The following AP5M1 variants were observed in gnomAD, a reference collection of about 807,000 sequenced individuals.
AP5M1 encodes adaptor related protein complex 5 subunit mu 1.
Under a neutral mutation model 52.3 loss-of-function variants are expected in AP5M1, and 44 were observed. The observed-to-expected ratio is 0.84, with a 90% confidence interval of 0.66 to 1.08. AP5M1 has a LOEUF of 1.08. AP5M1 is among the 50% of genes least tolerant of loss of function. AP5M1 has a pLI of 0.00. For synonymous variants in AP5M1, 213 were observed against 199.0 expected, an observed-to-expected ratio of 1.07 and a Z score of -0.59; for missense variants, 526 against 568.4, an observed-to-expected ratio of 0.93 and a Z score of 0.76.
At chr14:57,280,160 A>C in intron 2 of AP5M1, 35 bp from the exon 3 acceptor site, 1 of 1,505,704 alleles carries the variant, frequency 6.6e-7, no homozygotes, top group South Asian at 1.1e-5. Flanking sequence ...TTTGCTTCTG[A>C]GATTTTGGTG....
chr14:57,281,888 C>G (rs1241595255), intron 3 of AP5M1, among the ~76,000 whole-genome samples: 1 of 152,168 alleles, frequency 6.6e-6, no homozygotes, highest in Non-Finnish European at 1.5e-5. Flanking sequence ...CATTGTACAC[C>G]TTTGTAAAGC....
In AP5M1 at chr14:57,292,504, A is replaced by G. The variant is rs1363508444; in HGVS notation, c.*3620A>G. On this transcript the variant is annotated 3_prime_UTR_variant, in exon 8 of 8. Coordinates refer to ENST00000261558, the MANE Select transcript of AP5M1 (RefSeq NM_018229.4). ...TCCTGTCTGCTAAGTTAGAAAGTCAATTGAATACCAAATGAAGTTTATTTC... is the reference window on the plus strand; with the variant it reads ...TCCTGTCTGCTAAGTTAGAAAGTCAGTTGAATACCAAATGAAGTTTATTTC... 1.3e-5 allele frequency: 2 copies of G among 151,874 alleles called. No homozygotes were observed. The allele number at this position is 151,874 out of a possible 1,614,324, so 9.4% of individuals were successfully genotyped here.
rs1884966454 is a variant in AP5M1 at position 57,274,355 on chromosome 14, GGAT to G, written c.193_195del (p.Asp65del). ...CACTGCTCTTTGAACTTAGATTATT[GGAT>G]GATGATAAAGACTTCGTTGAGAGTC... On this transcript the variant is annotated inframe_deletion, in exon 2 of 8. Transcript: ENST00000261558. 3.1e-6 allele frequency: 5 copies of G among 1,614,070 alleles called. No individual in the cohort carries two copies. The highest frequency in any genetic ancestry group is 3.4e-6 in the Non-Finnish European group (4 of 1,180,006).
chr14:57,280,437 ATAGTT>A lies in AP5M1; in HGVS notation c.948+16_948+20del, dbSNP rs1351753402. 4 of 1,526,184 alleles carry A rather than the reference ATAGTT, an allele frequency of 2.6e-6. No homozygotes were observed. Among genetic ancestry groups the A allele is most frequent in the Admixed American group, 3.3e-5 (2 of 59,738 alleles). 94.5% of individuals were successfully genotyped at this position (1,526,184 alleles called of 1,614,324 possible). On this transcript the variant is annotated intron_variant, in intron 3 of 7. Coordinates refer to ENST00000261558, the MANE Select transcript of AP5M1 (RefSeq NM_018229.4). The stretch of plus-strand genomic sequence containing the variant: ...ACACTTCCCAGGTAACAACCCTAGA[ATAGTT>A]GAGAGTTTGCTGATCTTTATATTCA...
chr14:57,272,996 G>A (rs1385203814), intron 1 of AP5M1, among the ~76,000 whole-genome samples: 12 of 151,648 alleles, frequency 7.9e-5, no homozygotes, highest in Non-Finnish European at 7.4e-5. Context: ...TCACAATCTC[G>A]GCTCGGCTCG....
At position 57,274,235 on chromosome 14, in the gene AP5M1, G is replaced by A. The variant is rs10134418; in HGVS notation, c.75-9G>A. Reference sequence around the variant, plus strand: ...AATCATTTATAATGTTTCTGTTTCCGTAATGCAGACGGTATCCAACTGTTG... The same window carrying A: ...AATCATTTATAATGTTTCTGTTTCCATAATGCAGACGGTATCCAACTGTTG... On this transcript the variant is annotated splice_polypyrimidine_tract_variant and intron_variant, in intron 1 of 7. Transcript: ENST00000261558. 8.6e-4 allele frequency: 1,355 copies of A among 1,567,936 alleles called. 8 individuals carry two copies. The African/African-American group carries it at 0.014, about 16-fold the overall frequency.
chr14:57,270,914 A>T (rs1884881816), intron 1 of AP5M1, among the ~76,000 whole-genome samples: 2 of 152,218 alleles, frequency 1.3e-5, no homozygotes. Context: ...CTAAGGCAGC[A>T]TGTCCAATAG....
Position 57,274,888 on chromosome 14 carries a change from A to C in AP5M1, c.719A>C (p.Lys240Thr). ...CAAGTTGTTGGAACAGTGACTTGCA[A>C]GGTGAGATTTTTCTCTGGTACTTGC... ...TWQVVGTVTC[K>T]CDLEGIMPNV... Residue 240 changes from lysine (K) to threonine (T), a missense_variant and splice_region_variant, in exon 2 of 8, where the codon AAG (lysine) becomes ACG (threonine). This residue lies in a region of AP5M1 where 425 missense variants were observed against 430.6 expected (regional missense o/e 0.99). Coordinates refer to ENST00000261558, the MANE Select transcript of AP5M1 (RefSeq NM_018229.4). The C allele has an allele frequency of 6.2e-7, 1 of 1,614,146 alleles. No individual in the cohort carries two copies.
chr14:57,288,127 G>A (rs952436504), intron 7 of AP5M1, among the ~76,000 whole-genome samples: 1 of 151,848 alleles, frequency 6.6e-6, no homozygotes, highest in Non-Finnish European at 1.5e-5. Context: ...ATGAAGAAGG[G>A]CATGAAGAAG....
At chr14:57,282,737 A>G (rs1322003353) in intron 4 of AP5M1, among the ~76,000 whole-genome samples, 197 bp from the exon 5 acceptor site, 1 of 152,216 alleles carries the variant, frequency 6.6e-6, no homozygotes, top group African/African-American at 2.4e-5. Flanking sequence ...TGAAATACAC[A>G]TCATCACCAA....
At chr14:57,272,600 T>C (rs1884921204) in intron 1 of AP5M1, among the ~76,000 whole-genome samples, 1 of 152,200 alleles carries the variant, frequency 6.6e-6, no homozygotes, top group Non-Finnish European at 1.5e-5. Context: ...TATTGGGGTG[T>C]TGTGTAAGTT....
rs1180329614 is a variant in AP5M1, at chr14:57,295,858, A to G, written c.*6974A>G. 6.6e-6 allele frequency: 1 copy of G among 151,992 alleles called. No individual in the cohort carries two copies. Among genetic ancestry groups the G allele is most frequent in the Non-Finnish European group, 1.5e-5 (1 of 67,946 alleles). 9.4% of individuals were successfully genotyped at this position (151,992 alleles called of 1,614,324 possible). ...TGAAAATAATCAAAAAATGAAAACAATTGTGAAATTACTGAAATGAGTATG... is the reference window on the plus strand; with the variant it reads ...TGAAAATAATCAAAAAATGAAAACAGTTGTGAAATTACTGAAATGAGTATG... On this transcript the variant is annotated 3_prime_UTR_variant, in exon 8 of 8. Coordinates refer to ENST00000261558, the MANE Select transcript of AP5M1 (RefSeq NM_018229.4).
intron 2 of AP5M1, among the ~76,000 whole-genome samples, chr14:57,279,129 CAA>C (rs1885111657): frequency 6.6e-6 from 1 of 152,162 alleles, no homozygotes; most frequent in Admixed American, 6.5e-5. Context: ...GGCGATTCCT[CAA>C]AGACATTGAG....
At chr14:57,278,901 A>G (rs1385613788) in intron 2 of AP5M1, among the ~76,000 whole-genome samples, 1 of 152,224 alleles carries the variant, frequency 6.6e-6, no homozygotes, top group African/African-American at 2.4e-5. Context: ...CCAGAAGAAG[A>G]CATACATGCA....
At chr14:57,273,138 C>T (rs1594697336) in intron 1 of AP5M1, among the ~76,000 whole-genome samples, 2 of 152,222 alleles carry the variant, frequency 1.3e-5, no homozygotes, top group South Asian at 2.1e-4. Context: ...CAGGGTTTCA[C>T]CGTGTTGGCC....
chr14:57,286,065 A>T (rs1442231193), intron 6 of AP5M1, among the ~76,000 whole-genome samples, 158 bp from the exon 7 acceptor site: 1 of 152,152 alleles, frequency 6.6e-6, no homozygotes, highest in East Asian at 1.9e-4. Context: ...TTGTATATAT[A>T]TGTGTGCGCA....
chr14:57,279,714 T>C (rs77314660), intron 2 of AP5M1, among the ~76,000 whole-genome samples: 2,872 of 152,260 alleles, frequency 0.019, 30 homozygotes, highest in Non-Finnish European at 0.031. Context: ...AGGAGGTAGA[T>C]GACAGTCAAA....
chr14:57,273,698 T>A, intron 1 of AP5M1: 1 of 702,104 alleles, frequency 1.4e-6, no homozygotes, highest in Non-Finnish European at 2.6e-6. Flanking sequence ...TGATCTTCCA[T>A]GTTTTTGTAG....
chr14:57,282,307 C>T, intron 4 of AP5M1, 79 bp downstream of exon 4: 1 of 1,143,870 alleles, frequency 8.7e-7, no homozygotes, highest in Non-Finnish European at 1.2e-6. Flanking sequence ...TTGTCTTTGT[C>T]TTTTACCTTA....
Sources: gnomAD v4.1 joint callset for allele counts (sites outside exome capture counted in the v4.1 genomes callset) on GRCh38, gnomAD v4.1.1 for gene constraint, gnomAD v4.1.1 regional missense constraint, MANE v1.5 for transcripts, NCBI Gene and HGNC (gene_info 2026-07-23, HGNC 2026-07-21) for gene names.